PRKDC: variants seen among roughly 807,000 people sequenced by gnomAD.
The protein encoded by PRKDC is protein kinase, DNA-activated, catalytic subunit, also known as DNA-dependent protein kinase catalytic subunit.
Under a neutral mutation model 486.9 loss-of-function variants are expected in PRKDC, and 82 were observed. That is an observed-to-expected ratio of 0.17 (90% CI 0.14 to 0.20). PRKDC has a LOEUF of 0.20. PRKDC is among the 10% of genes least tolerant of loss of function. The pLI, the probability that PRKDC is intolerant of heterozygous loss-of-function variation, is 1.00. For synonymous variants in PRKDC, 1,895 were observed against 1,837.0 expected, an observed-to-expected ratio of 1.03 and a Z score of -0.81; for missense variants, 4,504 against 5,038.2, an observed-to-expected ratio of 0.89 and a Z score of 3.21.
chr8:47,905,023 A>T, intron 25 of PRKDC, 47 bp from the exon 26 acceptor site: 3 of 1,365,902 alleles, frequency 2.2e-6, no homozygotes, highest in Non-Finnish European at 3.1e-6. Flanking sequence ...TGTTAAAGAA[A>T]TGTTACGCTG....
Position 47,952,724 on chromosome 8 carries a change from C to T in PRKDC, c.721+896G>A, listed in dbSNP as rs141373002. On this transcript the variant is annotated intron_variant, in intron 7 of 85. Transcript: ENST00000314191. ...AAGAAAAAAAAAGAATTAAAAAGGGCCAGGTGCAATGGCTCATGCCTGTAA... is the reference window on the plus strand; with the variant it reads ...AAGAAAAAAAAAGAATTAAAAAGGGTCAGGTGCAATGGCTCATGCCTGTAA... Among the ~76,000 whole-genome samples, 792 of 152,202 alleles carry T rather than the reference C, an allele frequency of 5.2e-3. 12 individuals are homozygous for T. Among genetic ancestry groups the T allele is most frequent in the African/African-American group, 0.018 (766 of 41,512 alleles).
chr8:47,785,208 T>C lies in PRKDC; in HGVS notation c.11012A>G (p.Asn3671Ser), dbSNP rs778620605. 2.5e-6 allele frequency: 4 copies of C among 1,614,030 alleles called. No individual in the cohort carries two copies. Among genetic ancestry groups the C allele is most frequent in the Non-Finnish European group, 3.4e-6 (4 of 1,179,898 alleles). The change falls in exon 77 of 86, where the codon AAC becomes AGC. Residue 3671 changes from asparagine (N) to serine (S), a missense_variant. Coordinates refer to ENST00000314191, the MANE Select transcript of PRKDC (RefSeq NM_006904.7). ...ATTCCCAGGGGGCTTTGAGTCTTTG[T>C]TCATTTTTAAAAGTAGCATGTTGGT... is the stretch of plus-strand genomic sequence containing the variant. ...DITNMLLLKM[N>S]KDSKPPGNLK...
At chr8:47,939,511 G>A (rs761252851) in intron 11 of PRKDC, 40 bp downstream of exon 11, 38 of 1,589,822 alleles carry the variant, frequency 2.4e-5, no homozygotes, top group Middle Eastern at 3.3e-4. Context: ...AAACAATCAC[G>A]TGAAACCAAG....
At position 47,779,047 on chromosome 8, in the gene PRKDC, T is replaced by A. The variant is rs754894568; in HGVS notation, c.11536A>T (p.Met3846Leu). Residue 3846 changes from methionine to leucine, a missense_variant, in exon 81 of 86, where the codon ATG becomes TTG. Physicochemically the swap from Met to Leu is conservative, Grantham distance 15 (BLOSUM62 2). Around this residue, in one of 6 missense-constraint regions of PRKDC, gnomAD observed 706 missense variants for 945.0 expected, o/e 0.75. Coordinates refer to ENST00000314191, the MANE Select transcript of PRKDC (RefSeq NM_006904.7). ...PCEYKDWLTK[M>L]SGKHDVGAYM... ...GCTCCAACATCATGTTTTCCTGACA[T>A]TTTTGTCAGCCAATCTTTATATTCA... The A allele has an allele frequency of 6.2e-7, 1 of 1,602,666 alleles. No homozygotes were observed. Among genetic ancestry groups the A allele is most frequent in the Non-Finnish European group, 8.5e-7 (1 of 1,174,190 alleles).
rs761887058 is a variant in PRKDC, at chr8:47,889,040, A to G, written c.4254T>C (p.His1418=). 1.4e-5 allele frequency: 23 copies of G among 1,613,850 alleles called. No homozygotes were observed. Among genetic ancestry groups the G allele is most frequent in the Non-Finnish European group, 1.6e-5 (19 of 1,179,820 alleles). The change falls in exon 33 of 86, where the codon CAT becomes CAC. Residue 1418 remains histidine, a synonymous_variant. Transcript: ENST00000314191. ...MSPYKDILET[H]LREKITAQSI... is the part of the protein sequence containing the mutation. ...TCTGTGCTGTTATTTTCTCTCTCAGATGGGTCTCTAGGATATCTTTGTATG... is the reference window on the plus strand; with the variant it reads ...TCTGTGCTGTTATTTTCTCTCTCAGGTGGGTCTCTAGGATATCTTTGTATG...
chr8:47,935,131 A>C, intron 13 of PRKDC, 73 bp from the exon 14 acceptor site: 1 of 1,074,516 alleles, frequency 9.3e-7, no homozygotes, highest in Non-Finnish European at 1.3e-6. Flanking sequence ...AAAAAAAACA[A>C]ACAGTCATTA....
intron 61 of PRKDC, among the ~76,000 whole-genome samples, chr8:47,829,312 G>A (rs1176249989): frequency 6.6e-6 from 1 of 151,976 alleles, no homozygotes; most frequent in African/African-American, 2.4e-5. Flanking sequence ...GATGTTTTAT[G>A]AACAAATTAC....
intron 40 of PRKDC, among the ~76,000 whole-genome samples, chr8:47,870,192 G>A (rs1195183722): frequency 1.3e-5 from 2 of 152,152 alleles, no homozygotes; most frequent in African/African-American, 4.8e-5. Context: ...ATGAACACAG[G>A]CAGTAGCCAG....
intron 30 of PRKDC, among the ~76,000 whole-genome samples, chr8:47,895,618 A>G (rs2089560459): frequency 6.6e-6 from 1 of 152,176 alleles, no homozygotes; most frequent in Non-Finnish European, 1.5e-5. Context: ...TATAGGAAAA[A>G]TGCTGCCCAC....
intron 11 of PRKDC, among the ~76,000 whole-genome samples, chr8:47,936,748 C>T (rs2090358804): frequency 6.7e-6 from 1 of 150,360 alleles, no homozygotes; most frequent in South Asian, 2.1e-4. Flanking sequence ...TCCCGAGTAG[C>T]TGGGATTACA....
At chr8:47,902,477 G>T in intron 27 of PRKDC, 92 bp downstream of exon 27, 1 of 855,728 alleles carries the variant, frequency 1.2e-6, no homozygotes, top group Non-Finnish European at 1.6e-6. Flanking sequence ...CTTACTAAAT[G>T]CAGGAAATAT....
At chr8:47,867,879 C>T (rs1361805693) in intron 40 of PRKDC, among the ~76,000 whole-genome samples, 1 of 152,158 alleles carries the variant, frequency 6.6e-6, no homozygotes, top group Non-Finnish European at 1.5e-5. Flanking sequence ...CATAGACAGC[C>T]TTTGTCAGTT....
At chr8:47,853,731 T>C (rs1008381788) in intron 51 of PRKDC, among the ~76,000 whole-genome samples, 3 of 152,196 alleles carry the variant, frequency 2.0e-5, no homozygotes, top group Non-Finnish European at 2.9e-5. Context: ...CCTTCCAGCA[T>C]GGATATGAAA....
chr8:47,902,584 A>G lies in PRKDC; in HGVS notation c.3254T>C (p.Ile1085Thr), dbSNP rs954274168. 2 of 1,586,234 alleles carry G rather than the reference A, an allele frequency of 1.3e-6. No individual in the cohort carries two copies. The highest frequency in any genetic ancestry group is 1.4e-5 in the African/African-American group (1 of 73,526). ...RLGASLAFNN[I>T]YREFREEESL... is the part of the protein sequence containing the mutation. ...GCTTACAAACCTGAATTCCCTGTAG[A>G]TATTATTAAAGGCAAGTGATGCTCC... is the stretch of plus-strand genomic sequence containing the variant. Residue 1085 changes from isoleucine (I) to threonine (T), a missense_variant, in exon 27 of 86, where the codon ATC (isoleucine) becomes ACC (threonine). Physicochemically the swap from Ile to Thr is moderately conservative, Grantham distance 89. Transcript: ENST00000314191.
chr8:47,837,369 G>A lies in PRKDC; in HGVS notation c.7604C>T (p.Thr2535Ile), dbSNP rs749228168. Residue 2535 changes from threonine to isoleucine, a missense_variant, in exon 57 of 86, where the codon ACC (threonine) becomes ATC (isoleucine). Around this residue, in one of 6 missense-constraint regions of PRKDC, gnomAD observed 1,592 missense variants for 1,724.6 expected, o/e 0.92. Transcript: ENST00000314191. ...ATTTAGTGCCAGCAACCGGTCCAAGGTATTTGAAGGTAACCTAGTTTCATG... is the reference window on the plus strand; with the variant it reads ...ATTTAGTGCCAGCAACCGGTCCAAGATATTTGAAGGTAACCTAGTTTCATG... ...WSHETRLPSN[T>I]LDRLLALNSL... The A allele has an allele frequency of 1.2e-6, 2 of 1,612,488 alleles. No individual in the cohort carries two copies. Among genetic ancestry groups the A allele is most frequent in the Non-Finnish European group, 1.7e-6 (2 of 1,178,668 alleles).
intron 74 of PRKDC, 38 bp downstream of exon 74, chr8:47,794,252 G>T: frequency 6.6e-7 from 1 of 1,518,378 alleles, no homozygotes. Flanking sequence ...ATAACCTATA[G>T]TATTTGATCA....
intron 25 of PRKDC, among the ~76,000 whole-genome samples, chr8:47,906,403 G>A (rs1444652944): frequency 1.3e-5 from 2 of 148,188 alleles, no homozygotes; most frequent in African/African-American, 4.9e-5. Flanking sequence ...GGAGGCTGAG[G>A]AGGGCGGATC....
intron 7 of PRKDC, among the ~76,000 whole-genome samples, chr8:47,945,939 G>C (rs1409544103): frequency 6.6e-6 from 1 of 151,570 alleles, no homozygotes; most frequent in African/African-American, 2.4e-5. Flanking sequence ...GGCCAAGCTG[G>C]TCTTGAACTC....
chr8:47,933,826 A>G (rs2154503697), intron 15 of PRKDC, 139 bp downstream of exon 15: 2 of 933,258 alleles, frequency 2.1e-6, no homozygotes, highest in East Asian at 5.9e-5. Flanking sequence ...ATACGGTTTT[A>G]ATTTTTTATT....
Sources: allele counts gnomAD v4.1 joint callset (sites outside exome capture counted in the v4.1 genomes callset), GRCh38; gene constraint gnomAD v4.1.1; regional missense constraint gnomAD v4.1.1; transcripts MANE v1.5; gene names NCBI Gene and HGNC (gene_info 2026-07-23, HGNC 2026-07-21).